The following GFRAL variants were observed in gnomAD, a reference collection of about 807,000 sequenced individuals.
The protein encoded by GFRAL is GDNF family receptor alpha-like.
GFRAL carries 36 observed loss-of-function variants against 45.4 expected under a neutral mutation model. The ratio of observed to expected loss-of-function variants is 0.79; its 90% confidence interval spans 0.61 to 1.05. GFRAL has a LOEUF of 1.05. GFRAL is among the 50% of genes least tolerant of loss of function. GFRAL has a pLI of 0.00. For synonymous variants in GFRAL, 166 were observed against 154.1 expected (o/e 1.08, Z -0.57); for missense variants, 507 against 467.5 (o/e 1.08, Z -0.78).
intron 3 of GFRAL, among the ~76,000 whole-genome samples, chr6:55,345,379 A>AAAT (rs1768025266): frequency 1.3e-5 from 2 of 152,178 alleles, no homozygotes; most frequent in African/African-American, 4.8e-5. Flanking sequence ...GAGCCCTCAG[A>AAAT]AATAATACCA....
At chr6:55,339,887 C>G (rs529815298) in intron 3 of GFRAL, among the ~76,000 whole-genome samples, 1 of 152,226 alleles carries the variant, frequency 6.6e-6, no homozygotes, top group African/African-American at 2.4e-5. Context: ...ATATTTAGAG[C>G]AGTTAAGTTG....
intron 6 of GFRAL, among the ~76,000 whole-genome samples, chr6:55,361,061 T>G (rs1204901881): frequency 6.6e-6 from 1 of 152,028 alleles, no homozygotes; most frequent in East Asian, 1.9e-4. Context: ...GCAGAGGCAC[T>G]AAAGATAGAC....
intron 3 of GFRAL, among the ~76,000 whole-genome samples, chr6:55,345,783 G>A (rs2127353607): frequency 6.6e-6 from 1 of 152,200 alleles, no homozygotes; most frequent in Non-Finnish European, 1.5e-5. Flanking sequence ...GAAAATTTTT[G>A]CAATCTACCC....
chr6:55,360,181 A>C (rs886948670), intron 6 of GFRAL, among the ~76,000 whole-genome samples: 4 of 151,926 alleles, frequency 2.6e-5, no homozygotes, highest in African/African-American at 9.7e-5. Context: ...ATCATGTAAT[A>C]ATTCAAAACC....
intron 1 of GFRAL, among the ~76,000 whole-genome samples, chr6:55,330,901 G>A (rs1767820780): frequency 6.6e-6 from 1 of 152,146 alleles, no homozygotes; most frequent in Non-Finnish European, 1.5e-5. Context: ...ATATGGGAGA[G>A]TGAAGTTGAG....
At chr6:55,346,947 T>G (rs1452834430) in intron 3 of GFRAL, among the ~76,000 whole-genome samples, 1 of 151,652 alleles carries the variant, frequency 6.6e-6, no homozygotes, top group African/African-American at 2.4e-5. Context: ...TGGTAATTAA[T>G]TTTTTAATTT....
chr6:55,336,576 C>CTTTTTTTTTTTTTTTT (rs1349556251), intron 3 of GFRAL, among the ~76,000 whole-genome samples: 1 of 152,100 alleles, frequency 6.6e-6, no homozygotes, highest in Admixed American at 6.6e-5. Flanking sequence ...ATTAATTTTT[C>CTTTTTTTTTTTTTTTT]TATATGGACT....
Position 55,401,856 on chromosome 6 carries a change from C to T in GFRAL, c.*3C>T. On this transcript the variant is annotated 3_prime_UTR_variant, in exon 9 of 9. Transcript: ENST00000340465. ...TCCAAATACCTGGAGAACTCTGATT[C>T]ATTAGGAGTCATGGACCTATAACAA... The T allele has an allele frequency of 1.4e-6, 2 of 1,436,006 alleles. No individual in the cohort carries two copies. The highest frequency in any genetic ancestry group is 2.3e-5 in the South Asian group (2 of 87,566). The allele number at this position is 1,436,006 out of a possible 1,614,324, so 89.0% of individuals were successfully genotyped here. A position where few individuals can be genotyped will look rare whatever the true frequency, so the allele number is the denominator to read the frequency against.
chr6:55,392,771 G>A (rs983754448), intron 6 of GFRAL, among the ~76,000 whole-genome samples: 1 of 151,962 alleles, frequency 6.6e-6, no homozygotes, highest in South Asian at 2.1e-4. Flanking sequence ...ATAACTAATG[G>A]ATACTAGGTT....
chr6:55,344,426 C>A (rs935587864), intron 3 of GFRAL, among the ~76,000 whole-genome samples: 60 of 152,064 alleles, frequency 3.9e-4, no homozygotes, highest in African/African-American at 1.4e-3. Context: ...ATAAACAGAA[C>A]CAAAGACAAA....
chr6:55,378,901 G>T (rs1202626102), intron 6 of GFRAL, among the ~76,000 whole-genome samples: 1 of 151,870 alleles, frequency 6.6e-6, no homozygotes, highest in Non-Finnish European at 1.5e-5. Context: ...TGATATACTG[G>T]GTTCGTCTTT....
chr6:55,396,324 A>T (rs933895186), intron 6 of GFRAL, among the ~76,000 whole-genome samples: 1 of 152,204 alleles, frequency 6.6e-6, no homozygotes, highest in African/African-American at 2.4e-5. Context: ...GATTCTTTCT[A>T]AACTCTGCTA....
intron 6 of GFRAL, among the ~76,000 whole-genome samples, chr6:55,389,063 T>C (rs1768714903): frequency 6.6e-6 from 1 of 152,190 alleles, no homozygotes; most frequent in Admixed American, 6.5e-5. Flanking sequence ...ACTGTATAGA[T>C]ATATGCTTTA....
In GFRAL at chr6:55,350,084, C is replaced by T; in HGVS notation, c.317-8C>T. ...AATAATGAAATAATTTCTTTGTTTT[C>T]CTTCTAGATAACGTGAAAGAGGATA... is the stretch of plus-strand genomic sequence containing the variant. On this transcript the variant is annotated splice_region_variant and splice_polypyrimidine_tract_variant and intron_variant, in intron 3 of 8. Transcript: ENST00000340465. 6.8e-7 allele frequency: 1 copy of T among 1,479,664 alleles called. No homozygotes were observed. Among genetic ancestry groups the T allele is most frequent in the South Asian group, 1.1e-5 (1 of 87,466 alleles). 91.7% of individuals were successfully genotyped at this position (1,479,664 alleles called of 1,614,324 possible).
At chr6:55,396,893 T>TC (rs1028018637) in intron 6 of GFRAL, among the ~76,000 whole-genome samples, 1 of 149,392 alleles carries the variant, frequency 6.7e-6, no homozygotes, top group African/African-American at 2.4e-5. Flanking sequence ...TTTTTTTTTT[T>TC]CTGGAGTCAG....
At chr6:55,344,842 G>A (rs1245870544) in intron 3 of GFRAL, among the ~76,000 whole-genome samples, 1 of 152,186 alleles carries the variant, frequency 6.6e-6, no homozygotes, top group Admixed American at 6.5e-5. Context: ...CTTCAGCAAA[G>A]TCTCAGGATA....
intron 2 of GFRAL, among the ~76,000 whole-genome samples, chr6:55,333,012 T>G (rs1304289014): frequency 6.6e-6 from 1 of 152,124 alleles, no homozygotes; most frequent in African/African-American, 2.4e-5. Context: ...ATGATTAAAC[T>G]TCTTGCTACA....
At chr6:55,346,833 C>CG (rs1438402226) in intron 3 of GFRAL, among the ~76,000 whole-genome samples, 5 of 48,132 alleles carry the variant, frequency 1.0e-4, no homozygotes, top group East Asian at 1.6e-3. Context: ...ACAAGAAATC[C>CG]CCCCCCCCCA....
intron 3 of GFRAL, among the ~76,000 whole-genome samples, chr6:55,342,197 A>C (rs564873504): frequency 6.6e-6 from 1 of 152,312 alleles, no homozygotes; most frequent in African/African-American, 2.4e-5. Context: ...TTCCTTGAGA[A>C]GAGCAACTCC....
Sources: gnomAD v4.1 joint callset for allele counts (sites outside exome capture counted in the v4.1 genomes callset) on GRCh38, gnomAD v4.1.1 for gene constraint, MANE v1.5 for transcripts, NCBI Gene and HGNC (gene_info 2026-07-23, HGNC 2026-07-21) for gene names.